Variants in TFEC observed in about 807,000 individuals in gnomAD.
The protein encoded by TFEC is class E basic helix-loop-helix protein 34.
Under a neutral mutation model 41.6 loss-of-function variants are expected in TFEC, and 31 were observed. That is an observed-to-expected ratio of 0.74 (90% CI 0.56 to 1.01). The LOEUF is 1.01. Among genes scored for constraint, TFEC ranks in the 50% least tolerant of loss-of-function variants. The probability of loss-of-function intolerance (pLI) is 0.00; values close to 1 mark genes in which losing one functional copy is unlikely to be tolerated. For synonymous variants in TFEC, 143 were observed against 140.6 expected (o/e 1.02, Z -0.12); for missense variants, 402 against 404.1 (o/e 0.99, Z 0.04).
intron 3 of TFEC, among the ~76,000 whole-genome samples, chr7:116,072,982 T>TAATAATTAATTAATTAAATAATTAAAC (rs1796865839): frequency 5.3e-5 from 8 of 151,124 alleles, no homozygotes; most frequent in Admixed American, 5.3e-4. Flanking sequence ...AATAATTAAT[T>TAATAATTAATTAATTAAATAATTAAAC]AATAATTAAT....
At chr7:116,000,499 AT>A (rs1340204367) in intron 1 of TFEC, among the ~76,000 whole-genome samples, 1 of 152,190 alleles carries the variant, frequency 6.6e-6, no homozygotes, top group African/African-American at 2.4e-5. Context: ...GAAGAAGTAA[AT>A]TTATTTGTGT....
At chr7:116,057,901 G>C (rs1185987982) in intron 3 of TFEC, among the ~76,000 whole-genome samples, 2 of 151,616 alleles carry the variant, frequency 1.3e-5, no homozygotes, top group African/African-American at 4.8e-5. Context: ...AGCCAACAAA[G>C]GAGATAAAAT....
chr7:116,076,654 T>C (rs1224282377), intron 3 of TFEC, among the ~76,000 whole-genome samples: 1 of 151,734 alleles, frequency 6.6e-6, no homozygotes, highest in Non-Finnish European at 1.5e-5. Flanking sequence ...AGCAATACAA[T>C]AAACAAGCAG....
chr7:115,983,111 T>C (rs1031491530), intron 2 of TFEC, among the ~76,000 whole-genome samples: 1 of 152,088 alleles, frequency 6.6e-6, no homozygotes, highest in Admixed American at 6.6e-5. Context: ...TTTCATCTGA[T>C]ATATATTTTT....
chr7:115,997,165 C>A (rs375316873), intron 1 of TFEC, among the ~76,000 whole-genome samples: 13 of 152,302 alleles, frequency 8.5e-5, no homozygotes, highest in African/African-American at 2.9e-4. Flanking sequence ...TCTGACACAG[C>A]ATAGTCCCAT....
intron 7 of TFEC, chr7:115,941,541 T>G (rs1014092197): frequency 7.8e-6 from 2 of 257,204 alleles, no homozygotes; most frequent in African/African-American, 4.4e-5. Flanking sequence ...ATTATTTGAT[T>G]AGGATAATAA....
intron 1 of TFEC, among the ~76,000 whole-genome samples, chr7:116,159,197 C>T (rs898969056): frequency 6.6e-6 from 1 of 151,838 alleles, no homozygotes; most frequent in African/African-American, 2.4e-5. Flanking sequence ...ATAAATGTCT[C>T]ACTTTTACTA....
intron 3 of TFEC, among the ~76,000 whole-genome samples, chr7:116,087,745 CCT>C (rs1797233654): frequency 6.6e-6 from 1 of 151,972 alleles, no homozygotes; most frequent in Non-Finnish European, 1.5e-5. Flanking sequence ...AAGAAAAAAA[CCT>C]ACTATTAATG....
Position 116,021,389 on chromosome 7 carries a change from T to C in TFEC, c.-73+9244A>G, listed in dbSNP as rs1041751169. 2.0e-5 allele frequency among the ~76,000 whole-genome samples: 3 copies of C among 152,294 alleles called. No homozygotes were observed. The East Asian group carries it at 5.8e-4, about 29-fold the overall frequency. ...AGAAGAGTAAGAGGATAATGCCTTA[T>C]TAGGACTTGGCCACAACAGGGTAGA... On this transcript the variant is annotated intron_variant, in intron 1 of 7. Coordinates refer to ENST00000265440, the MANE Select transcript of TFEC (RefSeq NM_012252.4).
intron 1 of TFEC, among the ~76,000 whole-genome samples, chr7:116,016,339 T>C (rs1795189546): frequency 6.6e-6 from 1 of 152,208 alleles, no homozygotes; most frequent in African/African-American, 2.4e-5. Context: ...GGGCTCAGAC[T>C]AGGCACCTTC....
Position 115,954,028 on chromosome 7 carries a change from G to A in TFEC, c.439+558C>T, listed in dbSNP as rs180717333. On this transcript the variant is annotated intron_variant, in intron 5 of 7. Coordinates refer to ENST00000265440, the MANE Select transcript of TFEC (RefSeq NM_012252.4). ...ACCAAGCATTCTAAAGCTCAGCCTC[G>A]CTGCCAATCTACTTTTCTTGCCCGA... Among the ~76,000 whole-genome samples, 567 of 152,042 alleles carry A rather than the reference G, an allele frequency of 3.7e-3. 3 individuals are homozygous for A. Among genetic ancestry groups the A allele is most frequent in the Non-Finnish European group, 4.1e-3 (280 of 67,968 alleles).
intron 1 of TFEC, among the ~76,000 whole-genome samples, chr7:116,001,044 T>C (rs1794574238): frequency 6.6e-6 from 1 of 152,020 alleles, no homozygotes; most frequent in South Asian, 2.1e-4. Context: ...GGAATCACAT[T>C]ACCTGACTTC....
At chr7:116,152,463 G>A (rs1328746116) in intron 1 of TFEC, among the ~76,000 whole-genome samples, 3 of 152,192 alleles carry the variant, frequency 2.0e-5, no homozygotes, top group Non-Finnish European at 4.4e-5. Context: ...ATCTGCAGAG[G>A]GTTCCCCTAG....
intron 3 of TFEC, among the ~76,000 whole-genome samples, chr7:115,963,633 A>G (rs1272526020): frequency 1.3e-5 from 2 of 151,836 alleles, no homozygotes; most frequent in East Asian, 3.9e-4. Context: ...ACTTGAAAAA[A>G]TTATGCTAAG....
chr7:115,989,724 C>G (rs986824253), intron 1 of TFEC, among the ~76,000 whole-genome samples: 2 of 152,076 alleles, frequency 1.3e-5, no homozygotes, highest in Non-Finnish European at 2.9e-5. Flanking sequence ...ACAAAGCGGC[C>G]GGGAAGCTTG....
chr7:116,079,534 C>G (rs902162682), intron 3 of TFEC, among the ~76,000 whole-genome samples: 4 of 152,048 alleles, frequency 2.6e-5, no homozygotes, highest in African/African-American at 9.7e-5. Context: ...TATATACCAA[C>G]AGTGACCAAG....
intron 3 of TFEC, among the ~76,000 whole-genome samples, chr7:115,970,613 A>G (rs1181756342): frequency 6.6e-6 from 1 of 152,060 alleles, no homozygotes. Flanking sequence ...GCATATATTC[A>G]TGATCTAGAA....
chr7:116,104,800 C>T (rs1797679684), intron 3 of TFEC, among the ~76,000 whole-genome samples: 1 of 150,382 alleles, frequency 6.6e-6, no homozygotes, highest in Non-Finnish European at 1.5e-5. Context: ...AAATAGATGA[C>T]TTCAAAAGGG....
intron 3 of TFEC, among the ~76,000 whole-genome samples, chr7:116,077,013 G>C (rs1315332295): frequency 2.6e-5 from 4 of 152,138 alleles, no homozygotes; most frequent in African/African-American, 9.7e-5. Flanking sequence ...AGGATTTTAA[G>C]AGCTGTAAGG....
Sources: allele counts gnomAD v4.1 joint callset (sites outside exome capture counted in the v4.1 genomes callset), GRCh38; gene constraint gnomAD v4.1.1; transcripts MANE v1.5; gene names NCBI Gene and HGNC (gene_info 2026-07-23, HGNC 2026-07-21).